The following CSMD3 variants were observed in gnomAD, a reference collection of about 807,000 sequenced individuals.
The protein encoded by CSMD3 is CUB and Sushi multiple domains 3, also known as CUB and sushi domain-containing protein 3.
Under a neutral mutation model 435.2 loss-of-function variants are expected in CSMD3, and 177 were observed. The observed-to-expected ratio is 0.41, with a 90% confidence interval of 0.36 to 0.46. CSMD3 has a LOEUF of 0.46. CSMD3 is among the 20% of genes least tolerant of loss of function. The pLI is 0.34. For synonymous variants in CSMD3, 1,656 were observed against 1,520.5 expected (o/e 1.09, Z -2.07); for missense variants, 4,265 against 4,504.6 (o/e 0.95, Z 1.52).
At chr8:112,567,710 A>G (rs1285612780) in intron 24 of CSMD3, among the ~76,000 whole-genome samples, 3 of 152,050 alleles carry the variant, frequency 2.0e-5, no homozygotes, top group African/African-American at 7.2e-5. Context: ...GGGCAGAATA[A>G]CCTACTGGGT....
At chr8:113,303,059 A>C (rs1276555381) in intron 2 of CSMD3, among the ~76,000 whole-genome samples, 2 of 116,892 alleles carry the variant, frequency 1.7e-5, no homozygotes, top group Admixed American at 2.0e-4. Flanking sequence ...CAACTTCAGC[A>C]AAGTCTCAGG....
At chr8:112,391,190 G>A (rs1264223623) in intron 35 of CSMD3, among the ~76,000 whole-genome samples, 1 of 152,112 alleles carries the variant, frequency 6.6e-6, no homozygotes, top group Non-Finnish European at 1.5e-5. Context: ...AGCATCCACT[G>A]GAAAGTAATG....
Position 112,408,913 on chromosome 8 carries a change from G to A in CSMD3, c.5509+6C>T, listed in dbSNP as rs2130075040. ...ACTGATGCATGGCAGTTCTATTAAA[G>A]GATACCTGAATGGGATCCTGAGAGG... On this transcript the variant is annotated splice_donor_region_variant and intron_variant, in intron 33 of 70. Coordinates refer to ENST00000297405, the MANE Select transcript of CSMD3 (RefSeq NM_198123.2). 1 of 1,613,324 alleles carries A rather than the reference G, an allele frequency of 6.2e-7. No individual in the cohort carries two copies.
chr8:112,512,985 C>G (rs1823289718), intron 28 of CSMD3, among the ~76,000 whole-genome samples: 1 of 152,142 alleles, frequency 6.6e-6, no homozygotes, highest in African/African-American at 2.4e-5. Flanking sequence ...TCTTCTGCAG[C>G]TTTTTCACCC....
chr8:112,878,915 C>T (rs765659701), intron 10 of CSMD3, among the ~76,000 whole-genome samples: 8 of 152,110 alleles, frequency 5.3e-5, no homozygotes, highest in Middle Eastern at 3.2e-3. Flanking sequence ...CTCTTAATCC[C>T]GTTATCTTCG....
At chr8:112,588,719 C>T (rs1245936784) in intron 22 of CSMD3, among the ~76,000 whole-genome samples, 3 of 152,050 alleles carry the variant, frequency 2.0e-5, no homozygotes, top group Non-Finnish European at 4.4e-5. Flanking sequence ...AACAGCTGCT[C>T]CAGTGTAGGC....
At chr8:113,289,588 G>A (rs906898950) in intron 2 of CSMD3, among the ~76,000 whole-genome samples, 1 of 137,372 alleles carries the variant, frequency 7.3e-6, no homozygotes, top group Admixed American at 7.5e-5. Context: ...GAGAGAGAGA[G>A]AAATACATCT....
At chr8:113,427,408 T>C (rs565104773) in intron 1 of CSMD3, among the ~76,000 whole-genome samples, 1 of 151,334 alleles carries the variant, frequency 6.6e-6, no homozygotes, top group African/African-American at 2.4e-5. Flanking sequence ...AGTCTAGTCT[T>C]AATTCTGATC....
intron 59 of CSMD3, among the ~76,000 whole-genome samples, chr8:112,277,263 T>C (rs1586627226): frequency 6.6e-6 from 1 of 152,188 alleles, no homozygotes; most frequent in South Asian, 2.1e-4. Context: ...CTTAGACATT[T>C]CTTCCACCAG....
intron 5 of CSMD3, among the ~76,000 whole-genome samples, chr8:113,070,384 A>G (rs539884256): frequency 6.6e-6 from 1 of 152,154 alleles, no homozygotes; most frequent in Non-Finnish European, 1.5e-5. Flanking sequence ...TAAGTAGTAC[A>G]TCAATAGTGT....
intron 26 of CSMD3, among the ~76,000 whole-genome samples, chr8:112,551,658 C>T: frequency 6.6e-6 from 1 of 151,882 alleles, no homozygotes; most frequent in East Asian, 1.9e-4. Context: ...ACGACTTAGA[C>T]TAAAGAAAAA....
intron 10 of CSMD3, among the ~76,000 whole-genome samples, chr8:112,911,419 A>C (rs1421804685): frequency 6.6e-6 from 1 of 151,816 alleles, no homozygotes; most frequent in Non-Finnish European, 1.5e-5. Context: ...TTACTCTCTT[A>C]GTAAATGCCA....
chr8:113,076,514 G>A (rs2089343514), intron 5 of CSMD3, among the ~76,000 whole-genome samples: 1 of 151,906 alleles, frequency 6.6e-6, no homozygotes, highest in African/African-American at 2.4e-5. Context: ...ATCTATAGTA[G>A]TACAAGAAAA....
At position 113,157,596 on chromosome 8, in the gene CSMD3, T is replaced by G. The variant is rs980282754; in HGVS notation, c.709+16126A>C. The stretch of plus-strand genomic sequence containing the variant: ...TAAAGTTACTTAGATTTTTCTTTCT[T>G]TAAAAAATCACTAAATCCACTGGAC... On this transcript the variant is annotated intron_variant, in intron 4 of 70. Coordinates refer to ENST00000297405, the MANE Select transcript of CSMD3 (RefSeq NM_198123.2). Among the ~76,000 whole-genome samples the G allele has an allele frequency of 7.9e-5, 12 of 152,250 alleles. No homozygotes were observed. In the South Asian group the frequency reaches 1.0e-3, roughly 13 times the overall value.
At chr8:113,126,963 G>A (rs1015810340) in intron 4 of CSMD3, among the ~76,000 whole-genome samples, 15 of 151,090 alleles carry the variant, frequency 9.9e-5, no homozygotes, top group South Asian at 6.3e-4. Flanking sequence ...CTTAACTTTT[G>A]CTTCCAGCAT....
At chr8:112,364,812 C>A (rs775996887) in intron 38 of CSMD3, among the ~76,000 whole-genome samples, 3 of 151,886 alleles carry the variant, frequency 2.0e-5, no homozygotes, top group Non-Finnish European at 2.9e-5. Flanking sequence ...CAAACAGGAG[C>A]AAATATATTT....
intron 1 of CSMD3, among the ~76,000 whole-genome samples, chr8:113,404,149 T>TA (rs2094522233): frequency 6.6e-6 from 1 of 151,412 alleles, no homozygotes; most frequent in East Asian, 1.9e-4. Context: ...ATCTGCCTTT[T>TA]AAAAATCCAT....
intron 20 of CSMD3, 98 bp from the exon 21 acceptor site, chr8:112,639,009 TA>T: frequency 2.5e-6 from 2 of 800,616 alleles, no homozygotes; most frequent in Non-Finnish European, 4.1e-6. Context: ...TACTTATAAT[TA>T]AATTTTCTGA....
At chr8:112,462,987 G>T (rs1817602144) in intron 32 of CSMD3, among the ~76,000 whole-genome samples, 1 of 152,136 alleles carries the variant, frequency 6.6e-6, no homozygotes, top group Non-Finnish European at 1.5e-5. Flanking sequence ...AGTTTGCCTT[G>T]CTCTCCCTAG....
Sources: allele counts gnomAD v4.1 joint callset (sites outside exome capture counted in the v4.1 genomes callset), GRCh38; gene constraint gnomAD v4.1.1; transcripts MANE v1.5; gene names NCBI Gene and HGNC (gene_info 2026-07-23, HGNC 2026-07-21).